DHRSX: variants seen among roughly 807,000 people sequenced by gnomAD.
The protein encoded by DHRSX is polyprenol dehydrogenase.
A neutral mutation model predicts 34.0 loss-of-function variants in DHRSX; 31 were observed. That is an observed-to-expected ratio of 0.91 (90% CI 0.69 to 1.23). The LOEUF (loss-of-function observed/expected upper bound fraction) is 1.23. Ranked by LOEUF, DHRSX falls within the 50% of genes most tolerant of loss-of-function variation. The pLI is 0.00. For missense variants in DHRSX, 414 were observed against 428.1 expected, an observed-to-expected ratio of 0.97 and a Z score of 0.29; for synonymous variants, 201 against 183.8, an observed-to-expected ratio of 1.09 and a Z score of -0.76.
At chrX:2,465,987 C>T (rs1318965084) in intron 1 of DHRSX, among the ~76,000 whole-genome samples, 1 of 152,156 alleles carries the variant, frequency 6.6e-6, no homozygotes, top group African/African-American at 2.4e-5. Context: ...GAAAGGCAAA[C>T]GCCATTCCAA....
At chrX:2,269,134 A>G (rs1472280898) in intron 4 of DHRSX, among the ~76,000 whole-genome samples, 1 of 152,246 alleles carries the variant, frequency 6.6e-6, no homozygotes, top group Non-Finnish European at 1.5e-5. Context: ...TGTATTTTAT[A>G]TGGAGCTATC....
intron 1 of DHRSX, among the ~76,000 whole-genome samples, chrX:2,436,418 T>A: frequency 6.6e-6 from 1 of 150,828 alleles, no homozygotes; most frequent in South Asian, 2.1e-4. Flanking sequence ...ATGAGGTTGG[T>A]GCAAAAGTTA....
At chrX:2,360,263 G>T (rs771474391) in intron 3 of DHRSX, among the ~76,000 whole-genome samples, 1 of 152,078 alleles carries the variant, frequency 6.6e-6, no homozygotes, top group Non-Finnish European at 1.5e-5. Context: ...TAAACATTTC[G>T]CAAGAGTGAA....
intron 3 of DHRSX, among the ~76,000 whole-genome samples, chrX:2,392,812 TATA>T (rs1187391476): frequency 2.2e-4 from 12 of 54,076 alleles, no homozygotes; most frequent in East Asian, 3.6e-4. Flanking sequence ...ATAAATTATT[TATA>T]ATGACACAAA....
intron 4 of DHRSX, among the ~76,000 whole-genome samples, chrX:2,283,180 G>A (rs917936735): frequency 2.6e-5 from 4 of 151,990 alleles, no homozygotes; most frequent in Non-Finnish European, 5.9e-5. Flanking sequence ...GGGAGGCTAT[G>A]GGACGGACGC....
chrX:2,239,782 A>T (rs3935862), intron 6 of DHRSX, among the ~76,000 whole-genome samples: 3,130 of 151,762 alleles, frequency 0.021, 106 homozygotes, highest in African/African-American at 0.07. Flanking sequence ...AAAAATAAAT[A>T]AATTAAATAA....
intron 1 of DHRSX, among the ~76,000 whole-genome samples, chrX:2,450,606 C>T (rs1387961532): frequency 2.0e-5 from 3 of 151,986 alleles, no homozygotes; most frequent in Non-Finnish European, 4.4e-5. Context: ...CTGCGTACCA[C>T]CTATATTTTA....
intron 2 of DHRSX, among the ~76,000 whole-genome samples, chrX:2,420,054 G>T (rs2043756256): frequency 6.6e-6 from 1 of 152,156 alleles, no homozygotes; most frequent in Admixed American, 6.6e-5. Flanking sequence ...GAGAGTTAGG[G>T]ACATGGATGA....
chrX:2,452,850 T>G (rs2044244245), intron 1 of DHRSX, among the ~76,000 whole-genome samples: 1 of 152,190 alleles, frequency 6.6e-6, no homozygotes, highest in Admixed American at 6.5e-5. Context: ...CTGCGAAACA[T>G]CAGAGGAAAG....
At chrX:2,394,022 G>A (rs1245882904) in intron 3 of DHRSX, among the ~76,000 whole-genome samples, 6 of 152,226 alleles carry the variant, frequency 3.9e-5, no homozygotes, top group African/African-American at 7.2e-5. Flanking sequence ...TGATTTGCCC[G>A]AGCACTCATG....
intron 3 of DHRSX, among the ~76,000 whole-genome samples, chrX:2,343,539 G>T (rs1448708487): frequency 1.3e-5 from 2 of 152,146 alleles, no homozygotes; most frequent in South Asian, 4.1e-4. Flanking sequence ...GGACTCTGTG[G>T]TCATGAAAGA....
chrX:2,321,193 G>C (rs1402636581), intron 3 of DHRSX, among the ~76,000 whole-genome samples: 1 of 152,126 alleles, frequency 6.6e-6, no homozygotes, highest in Non-Finnish European at 1.5e-5. Flanking sequence ...ACTGATTACA[G>C]CACTGCTGCC....
At chrX:2,276,287 A>C (rs1240502094) in intron 4 of DHRSX, among the ~76,000 whole-genome samples, 1 of 152,188 alleles carries the variant, frequency 6.6e-6, no homozygotes, top group Non-Finnish European at 1.5e-5. Context: ...TTTTGTAAGG[A>C]ATAAGAAAAC....
At chrX:2,467,851 G>A (rs562295840) in intron 1 of DHRSX, among the ~76,000 whole-genome samples, 6 of 151,570 alleles carry the variant, frequency 4.0e-5, no homozygotes, top group Admixed American at 2.0e-4. Flanking sequence ...GTGCATGCCC[G>A]TACTCCCAGC....
chrX:2,470,731 A>C (rs2044577933), intron 1 of DHRSX, among the ~76,000 whole-genome samples: 2 of 152,176 alleles, frequency 1.3e-5, no homozygotes, highest in African/African-American at 4.8e-5. Flanking sequence ...CATTAAAATT[A>C]ATTTTTTTCA....
intron 1 of DHRSX, among the ~76,000 whole-genome samples, chrX:2,464,137 C>A (rs960275851): frequency 6.6e-6 from 1 of 151,644 alleles, no homozygotes; most frequent in Non-Finnish European, 1.5e-5. Flanking sequence ...CATGTACGCA[C>A]TGAAGACGCT....
chrX:2,236,789 C>T (rs138278652), intron 6 of DHRSX, among the ~76,000 whole-genome samples: 12 of 151,870 alleles, frequency 7.9e-5, no homozygotes, highest in Non-Finnish European at 1.6e-4. Flanking sequence ...TGAGCAATTC[C>T]TGTATGGGGA....
At chrX:2,490,243 C>T (rs750537722) in intron 1 of DHRSX, 5 of 1,613,890 alleles carry the variant, frequency 3.1e-6, no homozygotes, top group Non-Finnish European at 4.2e-6. Flanking sequence ...GCAGCTCATA[C>T]CGGGGGTCGG....
intron 3 of DHRSX, among the ~76,000 whole-genome samples, chrX:2,320,303 T>C (rs1165163009): frequency 1.1e-4 from 14 of 122,792 alleles, no homozygotes; most frequent in Non-Finnish European, 2.1e-4. Context: ...CTTTTCTTTT[T>C]TTTTTTTTTG....
Sources: gnomAD v4.1 joint callset for allele counts (sites outside exome capture counted in the v4.1 genomes callset) on GRCh38, gnomAD v4.1.1 for gene constraint, MANE v1.5 for transcripts, NCBI Gene and HGNC (gene_info 2026-07-23, HGNC 2026-07-21) for gene names.